The following COIL variants were observed in gnomAD, a reference collection of about 807,000 sequenced individuals.
COIL encodes coilin p80.
In COIL, 28 loss-of-function variants were observed where a neutral mutation model predicts 51.6. The ratio of observed to expected loss-of-function variants is 0.54; its 90% CI spans 0.40 to 0.74. The LOEUF (loss-of-function observed/expected upper bound fraction) is 0.74. Among genes scored for constraint, COIL ranks in the 30% least tolerant of loss-of-function variants. COIL has a pLI of 0.00. For missense variants in COIL, 667 were observed against 685.9 expected (o/e 0.97, Z 0.31); for synonymous variants, 233 against 255.8 (o/e 0.91, Z 0.85).
chr17:56,949,263 T>C (rs1023508906), intron 4 of COIL, 124 bp downstream of exon 4: 1 of 706,894 alleles, frequency 1.4e-6, no homozygotes, highest in East Asian at 3.0e-5. Flanking sequence ...ATGTTTTCAT[T>C]TTCTACTTTC....
chr17:56,939,434 T>C (rs1435128537), intron 6 of COIL, among the ~76,000 whole-genome samples: 4 of 151,794 alleles, frequency 2.6e-5, no homozygotes, highest in Non-Finnish European at 4.4e-5. Context: ...TCTCTATTAT[T>C]TTTTTTAATT....
intron 1 of COIL, among the ~76,000 whole-genome samples, chr17:56,958,578 G>A (rs1430186564): frequency 6.6e-6 from 1 of 152,132 alleles, no homozygotes; most frequent in Non-Finnish European, 1.5e-5. Context: ...AGTTTTCATG[G>A]TTTGTTTTTG....
intron 1 of COIL, among the ~76,000 whole-genome samples, chr17:56,957,391 G>A (rs1159655655): frequency 2.0e-5 from 3 of 152,056 alleles, no homozygotes; most frequent in Admixed American, 2.0e-4. Context: ...AAGCTGAGGA[G>A]GGCAAATCAC....
rs150549245 is a variant in COIL at position 56,949,918 on chromosome 17, C to G, written c.1324G>C (p.Val442Leu). The change falls in exon 2 of 7, where the codon GTG becomes CTG. Residue 442 changes from valine (V) to leucine (L), a missense_variant. By Grantham distance (32) the Val-to-Leu change is conservative. Coordinates refer to ENST00000240316, the MANE Select transcript of COIL (RefSeq NM_004645.3). ...DNQRQQQLND[V>L]VKNSSTIIQN... ...ATAATAGTAGATGAATTTTTTACCA[C>G]GTCATTTAATTGCTGTTGCCTCTGG... 3 of 1,613,496 alleles carry G rather than the reference C, an allele frequency of 1.9e-6. No homozygotes were observed. Among genetic ancestry groups the G allele is most frequent in the Non-Finnish European group, 1.7e-6 (2 of 1,179,848 alleles).
chr17:56,939,766 A>C (rs1189770662), intron 6 of COIL, among the ~76,000 whole-genome samples: 1 of 152,124 alleles, frequency 6.6e-6, no homozygotes, highest in Non-Finnish European at 1.5e-5. Flanking sequence ...AAATAAATAA[A>C]TAACTCATTT....
chr17:56,953,565 T>C (rs1910424498), intron 1 of COIL, among the ~76,000 whole-genome samples: 1 of 152,136 alleles, frequency 6.6e-6, no homozygotes, highest in Non-Finnish European at 1.5e-5. Context: ...ACATTATACT[T>C]ACAAGGCATT....
chr17:56,959,563 G>A (rs1910544288), intron 1 of COIL, among the ~76,000 whole-genome samples: 2 of 152,130 alleles, frequency 1.3e-5, no homozygotes, highest in African/African-American at 4.8e-5. Flanking sequence ...AAGGACTCAA[G>A]ACACTTATTT....
intron 1 of COIL, among the ~76,000 whole-genome samples, chr17:56,957,337 C>A (rs938184884): frequency 2.6e-5 from 4 of 151,772 alleles, no homozygotes; most frequent in Non-Finnish European, 5.9e-5. Flanking sequence ...AAATTAAAAA[C>A]CGCCAGACAC....
intron 1 of COIL, among the ~76,000 whole-genome samples, chr17:56,957,958 A>G (rs974754379): frequency 1.3e-5 from 2 of 152,250 alleles, no homozygotes; most frequent in African/African-American, 4.8e-5. Context: ...TGGTGCATCC[A>G]AAGCCTCAAA....
chr17:56,949,699 T>C lies in COIL; in HGVS notation c.1422A>G (p.Gly474=). The change falls in exon 3 of 7, where the codon GGA becomes GGG. Residue 474 remains glycine (G), a synonymous_variant. Transcript: ENST00000240316. ...LPLLAAAPQV[G]EKIAFKLLEL... ...AATATACCTTAAATGCAATCTTTTCTCCAACTTGAGGGGCAGCTGCTAACA... is the reference window on the plus strand; with the variant it reads ...AATATACCTTAAATGCAATCTTTTCCCCAACTTGAGGGGCAGCTGCTAACA... The C allele has an allele frequency of 6.2e-7, 1 of 1,614,026 alleles. No homozygotes were observed. The highest frequency in any genetic ancestry group is 8.5e-7 in the Non-Finnish European group (1 of 1,179,838).
rs756976063 is a variant in COIL at position 56,950,147 on chromosome 17, A to G, written c.1095T>C (p.Ala365=). The part of the protein sequence containing the change: ...PGLSSQTAGA[A]GWRRSGSNGG... ...CATTTGAGCCAGAACGCCTCCATCC[A>G]GCAGCACCTGCAGTCTGTGATGACA... Residue 365 remains alanine (A), a synonymous_variant, in exon 2 of 7, where the codon GCT becomes GCC. Transcript: ENST00000240316. The G allele has an allele frequency of 2.5e-6, 4 of 1,614,170 alleles. No individual in the cohort carries two copies. The highest frequency in any genetic ancestry group is 1.7e-6 in the Non-Finnish European group (2 of 1,180,036).
intron 6 of COIL, chr17:56,940,335 T>C (rs1910121721): frequency 6.6e-6 from 1 of 152,354 alleles, no homozygotes; most frequent in African/African-American, 2.4e-5. Context: ...GGTCTTGAAC[T>C]CCTGGACTCA....
chr17:56,957,752 T>C (rs573100455), intron 1 of COIL, among the ~76,000 whole-genome samples: 1 of 152,328 alleles, frequency 6.6e-6, no homozygotes, highest in African/African-American at 2.4e-5. Context: ...CCATACAGTC[T>C]GTGGTATTTT....
chr17:56,944,266 G>A (rs1239009716), intron 5 of COIL, among the ~76,000 whole-genome samples: 2 of 152,010 alleles, frequency 1.3e-5, no homozygotes, highest in Non-Finnish European at 2.9e-5. Flanking sequence ...CTAAGAAAGG[G>A]GATTTCTATA....
At chr17:56,957,012 G>A (rs111727852) in intron 1 of COIL, among the ~76,000 whole-genome samples, 3,564 of 152,258 alleles carry the variant, frequency 0.023, 138 homozygotes, top group African/African-American at 0.082. Context: ...GCTCAGGCTT[G>A]TAGTCCCAAC....
intron 5 of COIL, among the ~76,000 whole-genome samples, chr17:56,944,538 G>A (rs1910208410): frequency 1.3e-5 from 2 of 151,668 alleles, no homozygotes; most frequent in Non-Finnish European, 2.9e-5. Context: ...CTTGCACTGA[G>A]CCGAGATCGC....
intron 3 of COIL, 95 bp downstream of exon 3, chr17:56,949,585 AG>A: frequency 2.9e-6 from 4 of 1,399,470 alleles, no homozygotes; most frequent in Admixed American, 1.8e-5. Flanking sequence ...TCCAGTGGGA[AG>A]GGCTTTTACA....
At chr17:56,940,715 T>C (rs545680501) in intron 6 of COIL, among the ~76,000 whole-genome samples, 44 of 152,226 alleles carry the variant, frequency 2.9e-4, no homozygotes, top group Non-Finnish European at 5.3e-4. Context: ...CAGAATAATA[T>C]CTATAACATT....
At position 56,950,907 on chromosome 17, in the gene COIL, C is replaced by G. The variant is rs373166690; in HGVS notation, c.335G>C (p.Arg112Pro). 17 of 1,613,644 alleles carry G rather than the reference C, an allele frequency of 1.1e-5. No homozygotes were observed. The highest frequency in any genetic ancestry group is 1.4e-5 in the Non-Finnish European group (16 of 1,180,028). ...INLSLRKAKK[R>P]AFQLEEGEET... is the part of the protein sequence containing the mutation. Reference sequence around the variant, plus strand: ...TTCACCCTCCTCTAACTGAAATGCCCGCTTCTTTGCTTTTCTAAGAGATAA... The same window carrying G: ...TTCACCCTCCTCTAACTGAAATGCCGGCTTCTTTGCTTTTCTAAGAGATAA... The change falls in exon 2 of 7, where the codon CGG becomes CCG. Residue 112 changes from arginine (R) to proline (P), a missense_variant. By Grantham distance (103) the Arg-to-Pro change is moderately radical. Coordinates refer to ENST00000240316, the MANE Select transcript of COIL (RefSeq NM_004645.3).
Sources: gnomAD v4.1 joint callset for allele counts (sites outside exome capture counted in the v4.1 genomes callset) on GRCh38, gnomAD v4.1.1 for gene constraint, MANE v1.5 for transcripts, NCBI Gene and HGNC (gene_info 2026-07-23, HGNC 2026-07-21) for gene names.